RAB11A: variants seen among roughly 807,000 people sequenced by gnomAD.
RAB11A encodes the protein RAB11A, member RAS oncogene family, also known as ras-related protein Rab-11A.
A neutral mutation model predicts 28.0 loss-of-function variants in RAB11A; 9 were observed. The ratio of observed to expected loss-of-function variants is 0.32; its 90% CI spans 0.19 to 0.56. RAB11A has a LOEUF of 0.56. Among genes scored for constraint, RAB11A ranks in the 20% least tolerant of loss-of-function variants. The pLI, the probability that RAB11A is intolerant of heterozygous loss-of-function variation, is 0.91. For synonymous variants in RAB11A, 85 were observed against 88.2 expected (o/e 0.96, Z 0.20); for missense variants, 108 against 269.6 (o/e 0.40, Z 4.20).
intron 4 of RAB11A, among the ~76,000 whole-genome samples, chr15:65,880,148 A>G (rs1015458282): frequency 1.4e-4 from 21 of 152,352 alleles, no homozygotes; most frequent in Middle Eastern, 3.4e-3. Context: ...ACATTTTTAA[A>G]AATTATAGCG....
intron 1 of RAB11A, among the ~76,000 whole-genome samples, chr15:65,871,015 A>T (rs889456230): frequency 6.6e-6 from 1 of 152,180 alleles, no homozygotes; most frequent in Non-Finnish European, 1.5e-5. Context: ...TAGTGTGCCG[A>T]ACAAAGATCA....
chr15:65,887,370 A>G (rs1567139644), intron 4 of RAB11A, among the ~76,000 whole-genome samples: 1 of 152,104 alleles, frequency 6.6e-6, no homozygotes, highest in Non-Finnish European at 1.5e-5. Flanking sequence ...ACAGGGTTTC[A>G]CCATGTTGGT....
At chr15:65,878,455 G>A (rs2078202089) in intron 3 of RAB11A, among the ~76,000 whole-genome samples, 1 of 152,106 alleles carries the variant, frequency 6.6e-6, no homozygotes, top group East Asian at 1.9e-4. Flanking sequence ...AGGCTGAGGT[G>A]AGTGGATCAT....
In RAB11A at chr15:65,887,986, C is replaced by T; in HGVS notation, c.*146C>T. On this transcript the variant is annotated 3_prime_UTR_variant, in exon 5 of 5. Transcript: ENST00000261890. ...CATGTCCTAAGTCTTTTGATTTTAG[C>T]TTTATAAAATCATCCACTTGTCCCG... 1.1e-6 allele frequency: 1 copy of T among 894,412 alleles called. No individual in the cohort carries two copies. The highest frequency in any genetic ancestry group is 1.5e-6 in the Non-Finnish European group (1 of 651,192). The allele number at this position is 894,412 out of a possible 1,614,324, so 55.4% of individuals were successfully genotyped here.
intron 4 of RAB11A, among the ~76,000 whole-genome samples, chr15:65,881,512 C>T (rs561970913): frequency 6.6e-6 from 1 of 152,278 alleles, no homozygotes; most frequent in Admixed American, 6.5e-5. Context: ...AGACAGTCCT[C>T]ATTGTTGGAA....
chr15:65,881,723 C>T (rs945497136), intron 4 of RAB11A, among the ~76,000 whole-genome samples: 13 of 152,090 alleles, frequency 8.5e-5, no homozygotes, highest in Admixed American at 5.9e-4. Flanking sequence ...TGTTGATGCA[C>T]GCCTGTAATC....
chr15:65,884,195 A>C (rs963145139), intron 4 of RAB11A, among the ~76,000 whole-genome samples: 3 of 152,204 alleles, frequency 2.0e-5, no homozygotes, highest in African/African-American at 7.2e-5. Flanking sequence ...ATTTTGTTTC[A>C]ATGAAAAAGG....
chr15:65,881,765 C>T lies in RAB11A; in HGVS notation c.511+2014C>T, dbSNP rs1432440043. ...TTTTGGGAGGCTGAGGCAGGCGGAT[C>T]GCTTGAGCTCAAACATCCTAACACC... is the stretch of plus-strand genomic sequence containing the variant. On this transcript the variant is annotated intron_variant, in intron 4 of 4. Coordinates refer to ENST00000261890, the MANE Select transcript of RAB11A (RefSeq NM_004663.5). 4.0e-5 allele frequency among the ~76,000 whole-genome samples: 6 copies of T among 151,550 alleles called. No homozygotes were observed. The East Asian group carries it at 9.7e-4, about 25-fold the overall frequency.
rs1162874387 is a variant in RAB11A at position 65,889,966 on chromosome 15, A to G, written c.*2126A>G. On this transcript the variant is annotated 3_prime_UTR_variant, in exon 5 of 5. Coordinates refer to ENST00000261890, the MANE Select transcript of RAB11A (RefSeq NM_004663.5). ...GACAAACTGTCTCAAGCAAGAAACA[A>G]TAAATTTTTAAATATTATGACAGTT... is the stretch of plus-strand genomic sequence containing the variant. 6.6e-6 allele frequency: 1 copy of G among 152,220 alleles called. No individual in the cohort carries two copies. The highest frequency in any genetic ancestry group is 2.4e-5 in the African/African-American group (1 of 41,450). 9.4% of individuals were successfully genotyped at this position (152,220 alleles called of 1,614,324 possible). A position where few individuals can be genotyped will look rare whatever the true frequency, so the allele number is the denominator to read the frequency against.
chr15:65,870,374 G>T (rs1258764155), intron 1 of RAB11A, among the ~76,000 whole-genome samples: 1 of 152,250 alleles, frequency 6.6e-6, no homozygotes, highest in Admixed American at 6.5e-5. Context: ...GGTGGTGGGA[G>T]GGAGGGTAAG....
rs1453866679 is a variant in RAB11A, at chr15:65,890,646, A to G, written c.*2806A>G. On this transcript the variant is annotated 3_prime_UTR_variant, in exon 5 of 5. Transcript: ENST00000261890. Reference sequence around the variant, plus strand: ...ATTTCTTTGATCATTGAAAAAATGAATATCTTAATTTTTGTCTTTGCTGAC... The same window carrying G: ...ATTTCTTTGATCATTGAAAAAATGAGTATCTTAATTTTTGTCTTTGCTGAC... 2 of 152,180 alleles carry G rather than the reference A, an allele frequency of 1.3e-5. No individual in the cohort carries two copies. Among genetic ancestry groups the G allele is most frequent in the African/African-American group, 2.4e-5 (1 of 41,434 alleles). 9.4% of individuals were successfully genotyped at this position (152,180 alleles called of 1,614,324 possible).
intron 4 of RAB11A, among the ~76,000 whole-genome samples, chr15:65,885,133 GTTTT>G (rs56815495): frequency 7.7e-6 from 1 of 129,342 alleles, no homozygotes. Context: ...CATTTATACA[GTTTT>G]TTTTTTTTTT....
In RAB11A at chr15:65,877,360, A is replaced by C. The variant is rs749827521; in HGVS notation, c.69A>C (p.Gly23=). 24 of 1,613,502 alleles carry C rather than the reference A, an allele frequency of 1.5e-5. No homozygotes were observed. Among genetic ancestry groups the C allele is most frequent in the Non-Finnish European group, 1.9e-5 (22 of 1,179,726 alleles). ...TCCTTATTGGAGATTCTGGTGTTGGAAAGAGTAATCTCCTGTCTCGATTTA... is the reference window on the plus strand; with the variant it reads ...TCCTTATTGGAGATTCTGGTGTTGGCAAGAGTAATCTCCTGTCTCGATTTA... The part of the protein sequence containing the change: ...KVVLIGDSGV[G]KSNLLSRFTR... The change falls in exon 2 of 5, where the codon GGA becomes GGC. Residue 23 remains glycine, a synonymous_variant. Transcript: ENST00000261890. The surrounding 1 kb of genome is among the most constrained non-coding windows in gnomAD (Gnocchi z 4.1).
rs1197060957 is a variant in RAB11A at position 65,889,559 on chromosome 15, T to A, written c.*1719T>A. ...CTTGCATTACTGAGTAAACATTGAATTGGGAGCATCAGTGTGTGAATTCAG... is the reference window on the plus strand; with the variant it reads ...CTTGCATTACTGAGTAAACATTGAAATGGGAGCATCAGTGTGTGAATTCAG... On this transcript the variant is annotated 3_prime_UTR_variant, in exon 5 of 5. Coordinates refer to ENST00000261890, the MANE Select transcript of RAB11A (RefSeq NM_004663.5). 2.0e-5 allele frequency: 3 copies of A among 152,306 alleles called. No individual in the cohort carries two copies. The East Asian group carries it at 5.8e-4, about 29-fold the overall frequency. The allele number at this position is 152,306 out of a possible 1,614,324, so 9.4% of individuals were successfully genotyped here. A position where few individuals can be genotyped will look rare whatever the true frequency, so the allele number is the denominator to read the frequency against.
At chr15:65,881,665 A>G (rs986276519) in intron 4 of RAB11A, among the ~76,000 whole-genome samples, 1 of 152,110 alleles carries the variant, frequency 6.6e-6, no homozygotes, top group African/African-American at 2.4e-5. Flanking sequence ...GATCCACTCA[A>G]ACATGAACTA....
rs759307551 is a variant in RAB11A, at chr15:65,879,662, TC to T, written c.431-5del. 5.1e-6 allele frequency: 8 copies of T among 1,571,532 alleles called. No individual in the cohort carries two copies. The Admixed American group carries it at 1.4e-4, about 27-fold the overall frequency. On this transcript the variant is annotated splice_polypyrimidine_tract_variant and splice_region_variant and intron_variant, in intron 3 of 4. Transcript: ENST00000261890. ...CTTAACAAGACTGAACTTTTGTGTC[TC>T]CCCTCAGAAAAGAATGGTTTGTCAT...
chr15:65,887,153 C>T (rs1231567831), intron 4 of RAB11A, among the ~76,000 whole-genome samples: 2 of 149,918 alleles, frequency 1.3e-5, no homozygotes, highest in Non-Finnish European at 3.0e-5. Flanking sequence ...AGTCCATAAA[C>T]AATGTAATGC....
At position 65,877,949 on chromosome 15, in the gene RAB11A, T is replaced by C. The variant is rs766250277; in HGVS notation, c.424T>C (p.Phe142Leu). 3.1e-6 allele frequency: 5 copies of C among 1,612,458 alleles called. No homozygotes were observed. The highest frequency in any genetic ancestry group is 4.2e-6 in the Non-Finnish European group (5 of 1,178,600). Residue 142 changes from phenylalanine (F) to leucine (L), a missense_variant, in exon 3 of 5, where the codon TTT becomes CTT. Phe to Leu is a conservative substitution (Grantham distance 22). Transcript: ENST00000261890. This position sits in a 1 kb window ranked among gnomAD's most constrained non-coding sequence, Gnocchi z 4.1. Reference protein sequence around the residue: ...RAVPTDEARAFAEKNGLSFIE... With the variant: ...RAVPTDEARALAEKNGLSFIE... ...AGTTCCTACAGATGAAGCAAGAGCT[T>C]TTGCAGGTTAGTGATAGGAATTCCA...
chr15:65,887,329 A>G (rs1417318273), intron 4 of RAB11A, among the ~76,000 whole-genome samples: 1 of 151,996 alleles, frequency 6.6e-6, no homozygotes. Context: ...ACCCACCATC[A>G]TGCTTGGCTA....
Sources: allele counts gnomAD v4.1 joint callset (sites outside exome capture counted in the v4.1 genomes callset), GRCh38; gene constraint gnomAD v4.1.1; non-coding constraint Gnocchi (gnomAD v3.1); transcripts MANE v1.5; gene names NCBI Gene and HGNC (gene_info 2026-07-23, HGNC 2026-07-21).